COL12A1: variants seen among roughly 807,000 people sequenced by gnomAD.
COL12A1 encodes the protein collagen alpha-1(XII) chain.
A neutral mutation model predicts 349.7 loss-of-function variants in COL12A1; 114 were observed. The ratio of observed to expected loss-of-function variants is 0.33; its 90% CI spans 0.28 to 0.38. The LOEUF (loss-of-function observed/expected upper bound fraction) is 0.38. COL12A1 is among the 10% of genes least tolerant of loss of function. The pLI, the probability that COL12A1 is intolerant of heterozygous loss-of-function variation, is 1.00. For missense variants in COL12A1, 3,284 were observed against 3,756.9 expected (o/e 0.87, Z 3.29); for synonymous variants, 1,369 against 1,329.0 (o/e 1.03, Z -0.66).
intron 14 of COL12A1, among the ~76,000 whole-genome samples, chr6:75,163,328 A>T (rs1582158619): frequency 6.6e-6 from 1 of 152,256 alleles, no homozygotes; most frequent in East Asian, 1.9e-4. Context: ...AATACTATGC[A>T]GCCATATAAA....
chr6:75,089,919 A>G (rs1011330292), intron 63 of COL12A1, among the ~76,000 whole-genome samples, 191 bp downstream of exon 63: 14 of 152,190 alleles, frequency 9.2e-5, no homozygotes, highest in African/African-American at 3.4e-4. Flanking sequence ...AGATCTGATA[A>G]AAACATACCA....
intron 59 of COL12A1, 40 bp downstream of exon 59, chr6:75,097,213 G>A (rs1193936660): frequency 2.5e-6 from 4 of 1,584,454 alleles, no homozygotes; most frequent in Admixed American, 1.7e-5. Context: ...TGAGAGGGTG[G>A]GAGTGAAGGG....
intron 3 of COL12A1, 46 bp from the exon 4 acceptor site, chr6:75,192,401 C>T: frequency 6.6e-7 from 1 of 1,511,944 alleles, no homozygotes; most frequent in Non-Finnish European, 9.1e-7. Flanking sequence ...AAACATTTTT[C>T]ACATATAACA....
intron 13 of COL12A1, 127 bp from the exon 14 acceptor site, chr6:75,165,906 T>G: frequency 1.1e-6 from 1 of 901,038 alleles, no homozygotes; most frequent in Admixed American, 2.8e-5. Context: ...AAATTGCCCA[T>G]TTCTTCTTTT....
At chr6:75,145,721 T>G (rs950387678) in intron 24 of COL12A1, among the ~76,000 whole-genome samples, 1 of 148,430 alleles carries the variant, frequency 6.7e-6, no homozygotes, top group East Asian at 2.1e-4. Context: ...AACTTCCACC[T>G]CCCGGGTTCA....
chr6:75,164,874 T>C (rs905386652), intron 14 of COL12A1, among the ~76,000 whole-genome samples: 1 of 151,974 alleles, frequency 6.6e-6, no homozygotes, highest in African/African-American at 2.4e-5. Context: ...GAGGTAAATC[T>C]GAGCCATCAG....
At chr6:75,149,609 A>C (rs1767379901) in intron 21 of COL12A1, among the ~76,000 whole-genome samples, 1 of 152,152 alleles carries the variant, frequency 6.6e-6, no homozygotes, top group South Asian at 2.1e-4. Context: ...AATGGCCCAA[A>C]TAATAATTAA....
chr6:75,151,101 C>T (rs1190381588), intron 21 of COL12A1, 40 bp downstream of exon 21: 3 of 497,322 alleles, frequency 6.0e-6, no homozygotes, highest in Admixed American at 4.3e-5. Flanking sequence ...GCCCAAAATA[C>T]CAGCAGTGCT....
chr6:75,202,896 G>T (rs1157558317), intron 1 of COL12A1, 69 bp from the exon 2 acceptor site: 15 of 1,029,508 alleles, frequency 1.5e-5, no homozygotes, highest in African/African-American at 4.8e-5. Context: ...TAGAACTGGA[G>T]CCTGGACCTA....
chr6:75,097,812 T>C (rs576533698), intron 58 of COL12A1, among the ~76,000 whole-genome samples: 1 of 152,332 alleles, frequency 6.6e-6, no homozygotes, highest in African/African-American at 2.4e-5. Context: ...TGCTGGGAAT[T>C]GGACTCTCAG....
Position 75,165,700 on chromosome 6 carries a change from T to A in COL12A1, c.2790A>T (p.Gly930=). 1 of 1,614,010 alleles carries A rather than the reference T, an allele frequency of 6.2e-7. No individual in the cohort carries two copies. The highest frequency in any genetic ancestry group is 8.5e-7 in the Non-Finnish European group (1 of 1,179,922). ...SIGAYWTSAP[G]MVRGYRVSWK... is the part of the protein sequence containing the mutation. ...ATGAGACCCTGTAACCGCGAACCAT[T>A]CCTGGAGCAGATGTCCAATAAGCCC... Residue 930 remains glycine, a synonymous_variant, in exon 14 of 66, where the codon GGA becomes GGT. Transcript: ENST00000322507.
intron 58 of COL12A1, among the ~76,000 whole-genome samples, chr6:75,100,868 TA>T (rs1427071811): frequency 4.6e-5 from 7 of 152,194 alleles, no homozygotes; most frequent in African/African-American, 1.2e-4. Flanking sequence ...ATTGGAACCA[TA>T]AGATGCTGGA....
At chr6:75,134,387 T>C (rs553177498) in intron 32 of COL12A1, among the ~76,000 whole-genome samples, 1 of 152,024 alleles carries the variant, frequency 6.6e-6, no homozygotes, top group East Asian at 1.9e-4. Context: ...CTGGCCAACA[T>C]GGTGAAACCC....
In COL12A1 at chr6:75,133,366, G is replaced by A. The variant is rs1290947404; in HGVS notation, c.5721C>T (p.Thr1907=). The A allele has an allele frequency of 6.2e-7, 1 of 1,613,004 alleles. No individual in the cohort carries two copies. Among genetic ancestry groups the A allele is most frequent in the Non-Finnish European group, 8.5e-7 (1 of 1,179,468 alleles). ...YAILRNLQPD[T]SYTVTVVPVY... The stretch of plus-strand genomic sequence containing the variant: ...CGGGAACTACAGTCACAGTGTATGA[G>A]GTATCTGGCTGCAGATTCCTAAGAA... Residue 1907 remains threonine, a synonymous_variant, in exon 34 of 66, where the codon ACC becomes ACT. Transcript: ENST00000322507.
At position 75,087,695 on chromosome 6, in the gene COL12A1, A is replaced by G. The variant is rs887628569; in HGVS notation, c.9063T>C (p.Gly3021=). The change falls in exon 65 of 66, where the codon GGT becomes GGC. Residue 3021 remains glycine, a synonymous_variant. Transcript: ENST00000322507. ...TGPPGSTGSR[G]PPGPPGRPGN... ...CAGGACGGCCAGGGGGGCCAGGGGG[A>G]CCTCTTGAACCTGTGGACCCTGGTG... 4 of 1,607,704 alleles carry G rather than the reference A, an allele frequency of 2.5e-6. No individual in the cohort carries two copies. In the African/African-American group the frequency reaches 5.4e-5, roughly 22 times the overall value.
intron 34 of COL12A1, among the ~76,000 whole-genome samples, chr6:75,132,461 G>A (rs1339158231): frequency 6.6e-6 from 1 of 152,138 alleles, no homozygotes; most frequent in Non-Finnish European, 1.5e-5. Flanking sequence ...AGTAAAATCT[G>A]ACAACAGCTA....
chr6:75,187,884 C>T (rs1206765844), intron 8 of COL12A1, among the ~76,000 whole-genome samples: 2 of 152,078 alleles, frequency 1.3e-5, no homozygotes, highest in Non-Finnish European at 2.9e-5. Flanking sequence ...ATTGACTGAT[C>T]TTTGAAATAT....
At chr6:75,205,531 T>C (rs924228637) in intron 1 of COL12A1, among the ~76,000 whole-genome samples, 2 of 151,984 alleles carry the variant, frequency 1.3e-5, no homozygotes, top group Non-Finnish European at 2.9e-5. Flanking sequence ...ACGGGATGCT[T>C]TGCGTGCACA....
At chr6:75,197,020 G>T (rs773332211) in intron 2 of COL12A1, among the ~76,000 whole-genome samples, 1 of 152,122 alleles carries the variant, frequency 6.6e-6, no homozygotes, top group Non-Finnish European at 1.5e-5. Flanking sequence ...TGGCCAACCC[G>T]CATGGGTACA....
Sources: allele counts gnomAD v4.1 joint callset (sites outside exome capture counted in the v4.1 genomes callset), GRCh38; gene constraint gnomAD v4.1.1; transcripts MANE v1.5; gene names NCBI Gene and HGNC (gene_info 2026-07-23, HGNC 2026-07-21).